SLC44A5: variants seen among roughly 807,000 people sequenced by gnomAD.
SLC44A5 encodes the protein choline transporter-like protein 5.
In SLC44A5, 57 loss-of-function variants were observed where a neutral mutation model predicts 101.8. The observed-to-expected ratio is 0.56, with a 90% confidence interval of 0.45 to 0.70. The LOEUF is 0.70. SLC44A5 is among the 30% of genes least tolerant of loss of function. The pLI, the probability that SLC44A5 is intolerant of heterozygous loss-of-function variation, is 0.00. For missense variants in SLC44A5, 737 were observed against 853.1 expected, an observed-to-expected ratio of 0.86 and a Z score of 1.70; for synonymous variants, 281 against 290.9, an observed-to-expected ratio of 0.97 and a Z score of 0.35.
chr1:75,431,857 G>GT (rs1557777514), intron 2 of SLC44A5, among the ~76,000 whole-genome samples: 1 of 152,096 alleles, frequency 6.6e-6, no homozygotes, highest in Admixed American at 6.6e-5. Flanking sequence ...TATAATTTGC[G>GT]TATTTCCTAG....
chr1:75,569,530 C>T (rs900837268), intron 1 of SLC44A5, among the ~76,000 whole-genome samples: 5 of 152,114 alleles, frequency 3.3e-5, no homozygotes, highest in Non-Finnish European at 5.9e-5. Flanking sequence ...GTGTGAGCCA[C>T]GAAGGCTGCC....
chr1:75,693,024 C>A, the SLC44A5 span, among the ~76,000 whole-genome samples: 57 of 152,258 alleles, frequency 3.7e-4, no homozygotes, highest in Non-Finnish European at 5.4e-4. Flanking sequence ...AAATCTAAAT[C>A]ATTCAAGGAG....
chr1:75,676,985 A>AT, the SLC44A5 span, among the ~76,000 whole-genome samples: 1 of 152,208 alleles, frequency 6.6e-6, no homozygotes, highest in South Asian at 2.1e-4. Context: ...GCTGGGAAAA[A>AT]AAGTTTATCC....
At chr1:75,347,728 T>A (rs1658356620) in intron 3 of SLC44A5, among the ~76,000 whole-genome samples, 1 of 150,786 alleles carries the variant, frequency 6.6e-6, no homozygotes, top group Non-Finnish European at 1.5e-5. Context: ...AAGATAATCA[T>A]AAGAAATAGA....
chr1:75,444,091 C>T (rs1318470541), intron 2 of SLC44A5, among the ~76,000 whole-genome samples: 2 of 151,250 alleles, frequency 1.3e-5, no homozygotes, highest in African/African-American at 2.4e-5. Flanking sequence ...CTGAGGTGGG[C>T]GGATCACCTG....
At chr1:75,294,644 G>A (rs947049318) in intron 5 of SLC44A5, among the ~76,000 whole-genome samples, 5 of 152,188 alleles carry the variant, frequency 3.3e-5, no homozygotes, top group South Asian at 2.1e-4. Context: ...GTATGTGTGT[G>A]TGTATGTATA....
chr1:75,243,812 C>G (rs1648872022), intron 7 of SLC44A5, among the ~76,000 whole-genome samples: 1 of 152,050 alleles, frequency 6.6e-6, no homozygotes, highest in African/African-American at 2.4e-5. Context: ...ATAGATGCAG[C>G]AGCACCCTGT....
intron 4 of SLC44A5, among the ~76,000 whole-genome samples, chr1:75,323,867 AG>A (rs1441668268): frequency 6.6e-6 from 1 of 152,232 alleles, no homozygotes; most frequent in African/African-American, 2.4e-5. Flanking sequence ...GAGCTCATTC[AG>A]CATACTAGTA....
chr1:75,496,215 T>C (rs1401478625), intron 2 of SLC44A5, among the ~76,000 whole-genome samples: 2 of 152,084 alleles, frequency 1.3e-5, no homozygotes, highest in African/African-American at 4.8e-5. Context: ...ACTACAAAGC[T>C]ATCCTAATCA....
chr1:75,717,391 A>T, the SLC44A5 span, among the ~76,000 whole-genome samples: 20 of 152,080 alleles, frequency 1.3e-4, no homozygotes, highest in Non-Finnish European at 2.6e-4. Context: ...GTTCTCACTC[A>T]TAAGTAGGAT....
chr1:75,619,203 G>T, the SLC44A5 span, among the ~76,000 whole-genome samples: 2 of 149,834 alleles, frequency 1.3e-5, no homozygotes, highest in African/African-American at 4.9e-5. Context: ...GAAGGGAGAA[G>T]GAAGGAAGAA....
At chr1:75,482,124 C>G (rs1192312275) in intron 2 of SLC44A5, among the ~76,000 whole-genome samples, 5 of 152,032 alleles carry the variant, frequency 3.3e-5, no homozygotes, top group Admixed American at 2.6e-4. Context: ...TTTCTAGGGA[C>G]ATGGATGAAA....
the SLC44A5 span, among the ~76,000 whole-genome samples, chr1:75,676,781 C>T: frequency 2.0e-5 from 3 of 152,094 alleles, no homozygotes; most frequent in Admixed American, 2.0e-4. Context: ...TTATAGAACA[C>T]CAAGCAGATT....
upstream of SLC44A5, chr1:75,615,873 C>G (rs1461830224): frequency 2.0e-6 from 2 of 987,442 alleles, no homozygotes; most frequent in African/African-American, 3.5e-5. Flanking sequence ...GGGGGGCTTT[C>G]TCTTCTTGGC....
chr1:75,637,745 T>C, the SLC44A5 span, among the ~76,000 whole-genome samples: 5 of 152,180 alleles, frequency 3.3e-5, no homozygotes, highest in South Asian at 1.0e-3. Context: ...AGTTTATCAA[T>C]TCCGGGTCAA....
At chr1:75,215,184 G>A (rs1646936484) in intron 19 of SLC44A5, among the ~76,000 whole-genome samples, 1 of 151,992 alleles carries the variant, frequency 6.6e-6, no homozygotes, top group Admixed American at 6.6e-5. Flanking sequence ...GTGCTACTGT[G>A]ATAACAAGCA....
intron 2 of SLC44A5, among the ~76,000 whole-genome samples, chr1:75,461,922 AAAC>A (rs756846949): frequency 2.1e-4 from 32 of 152,216 alleles, no homozygotes; most frequent in Non-Finnish European, 4.1e-4. Flanking sequence ...CCTGGCTCCC[AAAC>A]AACACCTATG....
At chr1:75,355,621 T>A (rs1316070302) in intron 3 of SLC44A5, among the ~76,000 whole-genome samples, 1 of 152,220 alleles carries the variant, frequency 6.6e-6, no homozygotes, top group African/African-American at 2.4e-5. Flanking sequence ...CAATGATGAA[T>A]CACATACATG....
At chr1:75,330,874 C>A (rs1027814878) in intron 4 of SLC44A5, among the ~76,000 whole-genome samples, 25 of 152,008 alleles carry the variant, frequency 1.6e-4, no homozygotes, top group Non-Finnish European at 1.6e-4. Flanking sequence ...CAATTTTTAT[C>A]TTGTTTGACC....
Sources: allele counts gnomAD v4.1 joint callset (sites outside exome capture counted in the v4.1 genomes callset), GRCh38; gene constraint gnomAD v4.1.1; transcripts MANE v1.5; gene names NCBI Gene and HGNC (gene_info 2026-07-23, HGNC 2026-07-21).